PCDHGA6: variants seen among roughly 807,000 people sequenced by gnomAD.
PCDHGA6 encodes the protein protocadherin gamma-A6.
A neutral mutation model predicts 60.6 loss-of-function variants in PCDHGA6; 41 were observed. The ratio of observed to expected loss-of-function variants is 0.68; its 90% confidence interval spans 0.53 to 0.88. The LOEUF is 0.88. Among genes scored for constraint, PCDHGA6 ranks in the 40% least tolerant of loss-of-function variants. The pLI, the probability that PCDHGA6 is intolerant of heterozygous loss-of-function variation, is 0.00. For synonymous variants in PCDHGA6, 594 were observed against 524.4 expected (o/e 1.13, Z -1.81); for missense variants, 1,312 against 1,203.0 (o/e 1.09, Z -1.34).
rs759437302 is a variant in PCDHGA6, at chr5:141,476,861, T to C, written c.2425-17946T>C. On this transcript the variant is annotated intron_variant, in intron 1 of 3. Transcript: ENST00000517434. The surrounding 1 kb of genome is among the most constrained non-coding windows in gnomAD (Gnocchi z 7.6). Reference sequence around the variant, plus strand: ...TGCGCCTGTCTTCAACCAGTCCTTGTACCGGGCGCGCGTCCTGGAGGATGC... The same window carrying C: ...TGCGCCTGTCTTCAACCAGTCCTTGCACCGGGCGCGCGTCCTGGAGGATGC... 6.2e-7 allele frequency: 1 copy of C among 1,613,864 alleles called. No individual in the cohort carries two copies. The highest frequency in any genetic ancestry group is 1.7e-5 in the Admixed American group (1 of 60,034).
chr5:141,423,299 C>T (rs1225422770), intron 1 of PCDHGA6: 2 of 1,614,128 alleles, frequency 1.2e-6, no homozygotes, highest in Non-Finnish European at 1.7e-6. Context: ...TCAGACCTCT[C>T]GCTGTACTTG....
chr5:141,422,909 C>T (rs1260941191), intron 1 of PCDHGA6: 1 of 1,614,252 alleles, frequency 6.2e-7, no homozygotes, highest in East Asian at 2.2e-5. Flanking sequence ...GACAATGCGC[C>T]CGAGATCCTG....
rs752847017 is a variant in PCDHGA6 at position 141,376,078 on chromosome 5, C to T, written c.1995C>T (p.Ala665=). The T allele has an allele frequency of 4.3e-6, 7 of 1,613,392 alleles. No homozygotes were observed. The highest frequency in any genetic ancestry group is 3.3e-5 in the South Asian group (3 of 91,056). ...CTGTCACGCTCACCGTGGCCGTGGCCGACAGGATCCCCGACATCCTGGCCG... is the reference window on the plus strand; with the variant it reads ...CTGTCACGCTCACCGTGGCCGTGGCTGACAGGATCCCCGACATCCTGGCCG... The part of the protein sequence containing the change: ...SATVTLTVAV[A]DRIPDILADL... Residue 665 remains alanine, a synonymous_variant, in exon 1 of 4, where the codon GCC becomes GCT. Transcript: ENST00000517434.
intron 1 of PCDHGA6, chr5:141,385,035 G>C: frequency 6.2e-7 from 1 of 1,614,164 alleles, no homozygotes; most frequent in East Asian, 2.2e-5. Context: ...TCGTACTGCT[G>C]GCGCTCAGGC....
At chr5:141,500,184 T>TTATA (rs530565701) in intron 2 of PCDHGA6, among the ~76,000 whole-genome samples, 2 of 135,886 alleles carry the variant, frequency 1.5e-5, no homozygotes, top group Non-Finnish European at 3.2e-5. Flanking sequence ...TCATTTTTAT[T>TTATA]TTTATTTATT....
At chr5:141,400,178 T>G in intron 1 of PCDHGA6, 1 of 1,614,074 alleles carries the variant, frequency 6.2e-7, no homozygotes, top group Non-Finnish European at 8.5e-7. Context: ...CAGGCTGAGC[T>G]GCAGTTTTAC....
chr5:141,431,320 C>T lies in PCDHGA6; in HGVS notation c.2424+54813C>T. On this transcript the variant is annotated intron_variant, in intron 1 of 3. Coordinates refer to ENST00000517434, the MANE Select transcript of PCDHGA6 (RefSeq NM_018919.3). The surrounding 1 kb of genome is among the most constrained non-coding windows in gnomAD (Gnocchi z 4.8). ...CCCTCATCGTGCAAAATGGAGCCGA[C>T]GGTAGTAAGTACCCCGAATTGGTGC... is the stretch of plus-strand genomic sequence containing the variant. 1 of 1,614,102 alleles carries T rather than the reference C, an allele frequency of 6.2e-7. No homozygotes were observed. Among genetic ancestry groups the T allele is most frequent in the Non-Finnish European group, 8.5e-7 (1 of 1,180,038 alleles).
At chr5:141,461,063 C>T (rs1472437531) in intron 1 of PCDHGA6, among the ~76,000 whole-genome samples, 1 of 151,796 alleles carries the variant, frequency 6.6e-6, no homozygotes, top group Non-Finnish European at 1.5e-5. Flanking sequence ...GTTGGTTTCA[C>T]ATTTTTGCAA....
Position 141,490,693 on chromosome 5 carries a change from G to C in PCDHGA6, c.2425-4114G>C. 2 of 1,614,170 alleles carry C rather than the reference G, an allele frequency of 1.2e-6. No homozygotes were observed. Among genetic ancestry groups the C allele is most frequent in the Non-Finnish European group, 1.7e-6 (2 of 1,180,018 alleles). ...GGCTGCCTCAGATCCAGACACTGGG[G>C]ATAATGCCCGCCTCACCTACTCCAT... is the stretch of plus-strand genomic sequence containing the variant. On this transcript the variant is annotated intron_variant, in intron 1 of 3. Coordinates refer to ENST00000517434, the MANE Select transcript of PCDHGA6 (RefSeq NM_018919.3). This position sits in a 1 kb window ranked among gnomAD's most constrained non-coding sequence, Gnocchi z 5.4.
intron 1 of PCDHGA6, chr5:141,418,465 A>G (rs2096261082): frequency 6.2e-7 from 1 of 1,614,022 alleles, no homozygotes; most frequent in Non-Finnish European, 8.5e-7. Context: ...CTCTGGACCG[A>G]GAAACGCAGA....
rs566838507 is a variant in PCDHGA6, at chr5:141,415,047, G to T, written c.2424+38540G>T. ...GCGAGCCGGGACTCTTCGCGGTGGG[G>T]GAGCACACGGGCGAGGTGCGCACGG... On this transcript the variant is annotated intron_variant, in intron 1 of 3. Transcript: ENST00000517434. The T allele has an allele frequency of 4.2e-5, 67 of 1,613,220 alleles. 1 individual carries two copies. The Admixed American group carries it at 6.0e-4, about 14-fold the overall frequency.
rs770930842 is a variant in PCDHGA6 at position 141,432,673 on chromosome 5, C to G, written c.2424+56166C>G. 10 of 1,613,804 alleles carry G rather than the reference C, an allele frequency of 6.2e-6. No homozygotes were observed. The East Asian group carries it at 1.3e-4, about 22-fold the overall frequency. ...GAGCCCTGCTGGACAGAGACGCGCT[C>G]AAGCAGAGCCTCGTAGTGGCCGTCC... is the stretch of plus-strand genomic sequence containing the variant. On this transcript the variant is annotated intron_variant, in intron 1 of 3. Transcript: ENST00000517434. The surrounding 1 kb of genome is among the most constrained non-coding windows in gnomAD (Gnocchi z 6.0).
intron 1 of PCDHGA6, chr5:141,394,082 G>C: frequency 6.2e-7 from 1 of 1,613,830 alleles, no homozygotes; most frequent in Non-Finnish European, 8.5e-7. Flanking sequence ...TCACAGTGAT[G>C]GCCTCAGATC....
At chr5:141,377,786 A>G (rs1774350895) in intron 1 of PCDHGA6, 1 of 152,178 alleles carries the variant, frequency 6.6e-6, no homozygotes, top group African/African-American at 2.4e-5. Flanking sequence ...GACCTGAATA[A>G]CATTCCTGTA....
intron 1 of PCDHGA6, among the ~76,000 whole-genome samples, chr5:141,458,500 T>G (rs2098947037): frequency 6.6e-6 from 1 of 151,442 alleles, no homozygotes; most frequent in Admixed American, 6.6e-5. Context: ...CTGTACATAC[T>G]GTTTGACACT....
chr5:141,404,648 G>C (rs1178706213), intron 1 of PCDHGA6: 1 of 1,614,148 alleles, frequency 6.2e-7, no homozygotes, highest in African/African-American at 1.3e-5. Flanking sequence ...CCTGTACCCT[G>C]CCCTCCCCAC....
intron 1 of PCDHGA6, chr5:141,423,722 G>T: frequency 1.0e-6 from 1 of 954,174 alleles, no homozygotes; most frequent in Non-Finnish European, 1.3e-6. Flanking sequence ...TTAAGGAGAT[G>T]TTTTTTGAGC....
chr5:141,452,749 G>A (rs1453824335), intron 1 of PCDHGA6, among the ~76,000 whole-genome samples: 1 of 152,052 alleles, frequency 6.6e-6, no homozygotes, highest in African/African-American at 2.4e-5. Flanking sequence ...AGAGAAGGAA[G>A]AAGGAAGGGA....
chr5:141,491,232 G>C lies in PCDHGA6; in HGVS notation c.2425-3575G>C. The C allele has an allele frequency of 6.2e-7, 1 of 1,614,220 alleles. No individual in the cohort carries two copies. Among genetic ancestry groups the C allele is most frequent in the Non-Finnish European group, 8.5e-7 (1 of 1,180,034 alleles). On this transcript the variant is annotated intron_variant, in intron 1 of 3. Coordinates refer to ENST00000517434, the MANE Select transcript of PCDHGA6 (RefSeq NM_018919.3). The surrounding 1 kb of genome is among the most constrained non-coding windows in gnomAD (Gnocchi z 6.9). ...TCTCCTCCACAGCCACAGTGCTGCT[G>C]GTTCTGGAGGATGAGGACCCTGAGG... is the stretch of plus-strand genomic sequence containing the variant.
Sources: allele counts gnomAD v4.1 joint callset (sites outside exome capture counted in the v4.1 genomes callset), GRCh38; gene constraint gnomAD v4.1.1; non-coding constraint Gnocchi (gnomAD v3.1); transcripts MANE v1.5; gene names NCBI Gene and HGNC (gene_info 2026-07-23, HGNC 2026-07-21).